OPRL1: variants seen among roughly 807,000 people sequenced by gnomAD.
OPRL1 encodes the protein opioid related nociceptin receptor 1.
In OPRL1, 5 loss-of-function variants were observed where a neutral mutation model predicts 15.5. The ratio of observed to expected loss-of-function variants is 0.32; its 90% CI spans 0.17 to 0.68. OPRL1 has a LOEUF of 0.68. Among genes scored for constraint, OPRL1 ranks in the 30% least tolerant of loss-of-function variants. OPRL1 has a pLI of 0.72. For synonymous variants in OPRL1, 223 were observed against 230.2 expected (o/e 0.97, Z 0.28); for missense variants, 406 against 515.3 (o/e 0.79, Z 2.05).
At chr20:64,082,233 C>A (rs986294603) in intron 1 of OPRL1, among the ~76,000 whole-genome samples, 1 of 152,156 alleles carries the variant, frequency 6.6e-6, no homozygotes, top group Non-Finnish European at 1.5e-5. Flanking sequence ...CTGCTCAAGC[C>A]CCTTCTCCCT....
rs2060087453 is a variant in OPRL1 at position 64,088,760 on chromosome 20, G to GGATCCGTGCAGGGAGGCCAT, written c.-184-3202_-184-3201insCGTGCAGGGAGGCCATGATC. Among the ~76,000 whole-genome samples the GGATCCGTGCAGGGAGGCCAT allele has an allele frequency of 1.7e-5, 2 of 118,430 alleles. 1 individual carries two copies. The highest frequency in any genetic ancestry group is 3.5e-5 in the Non-Finnish European group (2 of 56,678). The allele number at this position is 118,430 out of a possible 152,430, so 77.7% of individuals were successfully genotyped here. Reference sequence around the variant, plus strand: ...GGGTAGGATCTGTGCAGAGTGGCCAGGATCTGTGCAGGGAGGGTAGGATCT... The same window carrying GGATCCGTGCAGGGAGGCCAT: ...GGGTAGGATCTGTGCAGAGTGGCCAGGATCCGTGCAGGGAGGCCATGATCTGTGCAGGGAGGGTAGGATCT... On this transcript the variant is annotated intron_variant, in intron 1 of 4. Transcript: ENST00000336866.
chr20:64,087,945 G>T (rs1196260230), intron 1 of OPRL1, among the ~76,000 whole-genome samples: 1 of 152,232 alleles, frequency 6.6e-6, no homozygotes, highest in Non-Finnish European at 1.5e-5. Context: ...TGGGTCCAGG[G>T]CTGGGCCCCT....
At chr20:64,096,086 C>T (rs1350390429) in intron 3 of OPRL1, among the ~76,000 whole-genome samples, 5 of 152,122 alleles carry the variant, frequency 3.3e-5, no homozygotes, top group East Asian at 1.9e-4. Flanking sequence ...GGGCGTGTCA[C>T]GGCTGAGGAG....
intron 1 of OPRL1, among the ~76,000 whole-genome samples, chr20:64,082,167 G>C (rs561456536): frequency 6.6e-6 from 1 of 152,094 alleles, no homozygotes; most frequent in Admixed American, 6.6e-5. Flanking sequence ...AGCACATCAG[G>C]GTGTGAGTGG....
chr20:64,088,877 C>G (rs1381886405), intron 1 of OPRL1, among the ~76,000 whole-genome samples: 4 of 150,612 alleles, frequency 2.7e-5, no homozygotes, highest in Non-Finnish European at 3.0e-5. Flanking sequence ...TGCAGAGTGG[C>G]CAGGGTCTGT....
chr20:64,087,582 C>T (rs979890712), intron 1 of OPRL1, among the ~76,000 whole-genome samples: 1 of 38,996 alleles, frequency 2.6e-5, no homozygotes, highest in African/African-American at 1.2e-4. Context: ...TGCTGTCATT[C>T]GCGTGTCATC....
chr20:64,085,995 G>A (rs956531894), intron 1 of OPRL1, among the ~76,000 whole-genome samples: 1 of 152,170 alleles, frequency 6.6e-6, no homozygotes, highest in Non-Finnish European at 1.5e-5. Flanking sequence ...CCTCCTGCAG[G>A]TGCCTTTGGG....
intron 1 of OPRL1, among the ~76,000 whole-genome samples, chr20:64,082,780 T>C (rs6011287): frequency 0.93 from 137,149 of 148,020 alleles, 63,561 homozygotes; most frequent in East Asian, 1. Context: ...GGCTTCCTTT[T>C]GTACTGCATG....
Position 64,089,259 on chromosome 20 carries a change from C to T in OPRL1, c.-184-2707C>T, listed in dbSNP as rs930715546. ...CATTATGAGATTGTGAACACCTGGA[C>T]TGGGGAGGCCACGGCCTTCTGCTGG... is the stretch of plus-strand genomic sequence containing the variant. On this transcript the variant is annotated intron_variant, in intron 1 of 4. Transcript: ENST00000336866. This position sits in a 1 kb window ranked among gnomAD's most constrained non-coding sequence, Gnocchi z 5.5. Among the ~76,000 whole-genome samples the T allele has an allele frequency of 6.6e-6, 1 of 152,116 alleles. No individual in the cohort carries two copies. Among genetic ancestry groups the T allele is most frequent in the Non-Finnish European group, 1.5e-5 (1 of 68,016 alleles).
At chr20:64,098,202 C>T in intron 4 of OPRL1, 45 bp downstream of exon 4, 1 of 1,604,290 alleles carries the variant, frequency 6.2e-7, no homozygotes, top group Non-Finnish European at 8.5e-7. Flanking sequence ...TCCCTGGCTC[C>T]CGGGTGGCTC....
intron 1 of OPRL1, chr20:64,085,110 T>C (rs1421408608): frequency 2.6e-5 from 4 of 152,188 alleles, no homozygotes; most frequent in East Asian, 1.9e-4. Flanking sequence ...ATAGGGGTCA[T>C]TGGGGCATAG....
intron 4 of OPRL1, 35 bp downstream of exon 4, chr20:64,098,192 TC>T (rs1336675009): frequency 6.2e-7 from 1 of 1,605,284 alleles, no homozygotes; most frequent in African/African-American, 1.3e-5. Context: ...CTCACCAGGC[TC>T]CCTGGCTCCC....
chr20:64,086,742 A>C (rs1382930883), intron 1 of OPRL1: 1 of 167,298 alleles, frequency 6.0e-6, no homozygotes, highest in East Asian at 1.9e-4. Context: ...AATTGTTAAA[A>C]ATTCTTTCAC....
intron 1 of OPRL1, chr20:64,084,394 T>C: frequency 2.4e-6 from 3 of 1,271,462 alleles, no homozygotes; most frequent in Non-Finnish European, 9.9e-7. Flanking sequence ...GCGCTCTCCC[T>C]CTCCCAAGCG....
At chr20:64,082,027 A>C (rs903852595) in intron 1 of OPRL1, among the ~76,000 whole-genome samples, 4 of 152,180 alleles carry the variant, frequency 2.6e-5, no homozygotes, top group African/African-American at 9.7e-5. Flanking sequence ...TGGTGAAATA[A>C]TATGTGATTC....
chr20:64,086,416 C>A (rs192036354), intron 1 of OPRL1: 1 of 187,178 alleles, frequency 5.3e-6, no homozygotes, highest in East Asian at 1.9e-4. Context: ...TGCAGTTCTG[C>A]AAGAAGGGAG....
At chr20:64,082,289 ATC>A (rs1220312665) in intron 1 of OPRL1, among the ~76,000 whole-genome samples, 1 of 151,984 alleles carries the variant, frequency 6.6e-6, no homozygotes, top group Non-Finnish European at 1.5e-5. Flanking sequence ...CCCTCCTGCC[ATC>A]TCTCTGTCCC....
At chr20:64,092,995 G>A (rs533394564) in intron 3 of OPRL1, 42 bp downstream of exon 3, 25 of 1,547,522 alleles carry the variant, frequency 1.6e-5, no homozygotes, top group South Asian at 5.6e-5. Flanking sequence ...AGTCCCACAC[G>A]GCTGCAGAGG....
In OPRL1 at chr20:64,092,668, G is replaced by T; in HGVS notation, c.-33-20G>T. 7 of 1,559,760 alleles carry T rather than the reference G, an allele frequency of 4.5e-6. No individual in the cohort carries two copies. Among genetic ancestry groups the T allele is most frequent in the Middle Eastern group, 1.7e-4 (1 of 5,870 alleles). ...CGTGTGTCTGGCACTGCAGCCACTT[G>T]TCTCTGCGCTCTGTCCCAGGTACCG... On this transcript the variant is annotated intron_variant, in intron 2 of 4. Coordinates refer to ENST00000336866, the MANE Select transcript of OPRL1 (RefSeq NM_182647.4).
Sources: allele counts gnomAD v4.1 joint callset (sites outside exome capture counted in the v4.1 genomes callset), GRCh38; gene constraint gnomAD v4.1.1; non-coding constraint Gnocchi (gnomAD v3.1); transcripts MANE v1.5; gene names NCBI Gene and HGNC (gene_info 2026-07-23, HGNC 2026-07-21).